The following FGGY variants were observed in gnomAD, a reference collection of about 807,000 sequenced individuals.
FGGY encodes the protein FGGY carbohydrate kinase domain-containing protein.
In FGGY, 72 loss-of-function variants were observed where a neutral mutation model predicts 71.3. The ratio of observed to expected loss-of-function variants is 1.01; its 90% CI spans 0.84 to 1.23. FGGY has a LOEUF of 1.23. Ranked by LOEUF, FGGY falls within the 50% of genes most tolerant of loss-of-function variation. FGGY has a pLI of 0.00. For synonymous variants in FGGY, 251 were observed against 250.3 expected, an observed-to-expected ratio of 1.00 and a Z score of -0.02; for missense variants, 668 against 682.3, an observed-to-expected ratio of 0.98 and a Z score of 0.23.
At chr1:59,704,246 A>G (rs969810837) in intron 14 of FGGY, among the ~76,000 whole-genome samples, 2 of 152,090 alleles carry the variant, frequency 1.3e-5, no homozygotes, top group Non-Finnish European at 2.9e-5. Flanking sequence ...GGATTTCTCA[A>G]TCCTGGGAGA....
intron 4 of FGGY, among the ~76,000 whole-genome samples, chr1:59,364,178 C>G (rs2056155091): frequency 6.6e-6 from 1 of 152,164 alleles, no homozygotes; most frequent in Admixed American, 6.5e-5. Context: ...TGATGGAGCA[C>G]TCTCCCCACT....
At chr1:59,676,746 C>T (rs1321558884) in intron 14 of FGGY, among the ~76,000 whole-genome samples, 1 of 152,130 alleles carries the variant, frequency 6.6e-6, no homozygotes, top group Non-Finnish European at 1.5e-5. Context: ...CTCATGTCTC[C>T]TATTCAACCC....
At chr1:59,524,319 GA>G (rs1363223199) in intron 7 of FGGY, among the ~76,000 whole-genome samples, 1 of 152,212 alleles carries the variant, frequency 6.6e-6, no homozygotes, top group African/African-American at 2.4e-5. Flanking sequence ...GCCTCAGTAG[GA>G]ACAGACTGGG....
chr1:59,460,062 T>C (rs2092046028), intron 6 of FGGY, among the ~76,000 whole-genome samples: 1 of 152,114 alleles, frequency 6.6e-6, no homozygotes, highest in Non-Finnish European at 1.5e-5. Flanking sequence ...GGAGACAGTT[T>C]CTTGAGTGGA....
At position 59,631,219 on chromosome 1, in the gene FGGY, C is replaced by T. The variant is rs74651138; in HGVS notation, c.1073+5170C>T. On this transcript the variant is annotated intron_variant, in intron 10 of 15. Coordinates refer to ENST00000303721, the MANE Select transcript of FGGY (RefSeq NM_018291.5). Reference sequence around the variant, plus strand: ...TAACCACTTTTCTTGAGTTTATAGTCCTTTTCTTGACCATTAACATTAATT... The same window carrying T: ...TAACCACTTTTCTTGAGTTTATAGTTCTTTTCTTGACCATTAACATTAATT... Among the ~76,000 whole-genome samples, 1,156 of 152,230 alleles carry T rather than the reference C, an allele frequency of 7.6e-3. 18 individuals are homozygous for T. Among genetic ancestry groups the T allele is most frequent in the African/African-American group, 0.027 (1,103 of 41,540 alleles).
At chr1:59,760,105 C>T (rs914954309) in intron 15 of FGGY, among the ~76,000 whole-genome samples, 1 of 152,086 alleles carries the variant, frequency 6.6e-6, no homozygotes, top group Non-Finnish European at 1.5e-5. Flanking sequence ...AACTCAACAA[C>T]AACAAAAAAG....
intron 1 of FGGY, among the ~76,000 whole-genome samples, chr1:59,316,790 C>T (rs1268181519): frequency 6.6e-6 from 1 of 152,166 alleles, no homozygotes; most frequent in African/African-American, 2.4e-5. Context: ...AGGTATGTCC[C>T]AGGACTTGTA....
chr1:59,633,282 T>C (rs1208070141), intron 10 of FGGY, among the ~76,000 whole-genome samples: 1 of 152,202 alleles, frequency 6.6e-6, no homozygotes. Flanking sequence ...AGTGCTGAGA[T>C]TACAGGTGTG....
At chr1:59,441,651 C>A (rs1339547172) in intron 5 of FGGY, among the ~76,000 whole-genome samples, 1 of 152,160 alleles carries the variant, frequency 6.6e-6, no homozygotes, top group Non-Finnish European at 1.5e-5. Context: ...TAACCCTGCA[C>A]TTAACCTTTT....
In FGGY at chr1:59,466,631, T is replaced by C. The variant is rs2153535018; in HGVS notation, c.670+9555T>C. Among the ~76,000 whole-genome samples the C allele has an allele frequency of 3.3e-5, 5 of 152,252 alleles. 1 individual carries two copies. In the South Asian group the frequency reaches 1.0e-3, roughly 32 times the overall value. On this transcript the variant is annotated intron_variant, in intron 6 of 15. Transcript: ENST00000303721. ...TCTGACAAAGGGCTAGTATCCAGAATGTACAAAGAACTCAAACAACTTTAC... is the reference window on the plus strand; with the variant it reads ...TCTGACAAAGGGCTAGTATCCAGAACGTACAAAGAACTCAAACAACTTTAC...
chr1:59,668,476 A>C (rs572960609), intron 13 of FGGY, among the ~76,000 whole-genome samples: 1 of 151,976 alleles, frequency 6.6e-6, no homozygotes, highest in East Asian at 1.9e-4. Flanking sequence ...CTCATCCCCT[A>C]CTTTCTTACC....
chr1:59,618,338 A>C (rs2096776908), intron 9 of FGGY, among the ~76,000 whole-genome samples: 1 of 152,150 alleles, frequency 6.6e-6, no homozygotes, highest in Admixed American at 6.6e-5. Context: ...TTGTTATATT[A>C]GTTTTACTGA....
At chr1:59,591,896 A>C (rs570991647) in intron 8 of FGGY, among the ~76,000 whole-genome samples, 183 of 152,358 alleles carry the variant, frequency 1.2e-3, no homozygotes, top group African/African-American at 4.3e-3. Flanking sequence ...CTTCATGTCT[A>C]AAACACCAAA....
intron 5 of FGGY, among the ~76,000 whole-genome samples, chr1:59,427,006 A>C (rs2066493801): frequency 6.6e-6 from 1 of 152,216 alleles, no homozygotes; most frequent in African/African-American, 2.4e-5. Flanking sequence ...GGACATAAAA[A>C]TCTTTCAACT....
At chr1:59,396,686 T>C (rs1029394456) in intron 5 of FGGY, among the ~76,000 whole-genome samples, 3 of 152,180 alleles carry the variant, frequency 2.0e-5, no homozygotes, top group Admixed American at 1.3e-4. Context: ...CCCAGTTCAG[T>C]CTCTCTATCT....
intron 11 of FGGY, chr1:59,641,318 G>A (rs765926959): frequency 1.1e-5 from 17 of 1,611,262 alleles, no homozygotes; most frequent in Middle Eastern, 1.7e-4. Context: ...CTTTGGCAGC[G>A]TTGCACTCTC....
chr1:59,358,131 T>A (rs537466576), intron 4 of FGGY, among the ~76,000 whole-genome samples: 23 of 152,290 alleles, frequency 1.5e-4, no homozygotes, highest in African/African-American at 5.5e-4. Flanking sequence ...AACTGTCAAC[T>A]TGGAAATCTA....
At chr1:59,378,919 T>TG (rs1320664303) in intron 5 of FGGY, 82 bp downstream of exon 5, 1 of 1,147,990 alleles carries the variant, frequency 8.7e-7, no homozygotes, top group Non-Finnish European at 1.3e-6. Flanking sequence ...TAACTCTCTT[T>TG]GACTGGATAT....
At position 59,337,972 on chromosome 1, in the gene FGGY, G is replaced by T. The variant is rs150318141; in HGVS notation, c.202-1986G>T. 7.9e-5 allele frequency among the ~76,000 whole-genome samples: 12 copies of T among 152,326 alleles called. No individual in the cohort carries two copies. The East Asian group carries it at 1.9e-3, about 24-fold the overall frequency. On this transcript the variant is annotated intron_variant, in intron 2 of 15. Transcript: ENST00000303721. Reference sequence around the variant, plus strand: ...AAGCATTCATGTTACCATTAAGTATGATGTTAGCTGTAGGTTTTTGTAGAT... The same window carrying T: ...AAGCATTCATGTTACCATTAAGTATTATGTTAGCTGTAGGTTTTTGTAGAT...
Sources: gnomAD v4.1 joint callset for allele counts (sites outside exome capture counted in the v4.1 genomes callset) on GRCh38, gnomAD v4.1.1 for gene constraint, MANE v1.5 for transcripts, NCBI Gene and HGNC (gene_info 2026-07-23, HGNC 2026-07-21) for gene names.